The following VAV3 variants were observed in gnomAD, a reference collection of about 807,000 sequenced individuals.
The protein encoded by VAV3 is guanine nucleotide exchange factor VAV3.
A neutral mutation model predicts 131.2 loss-of-function variants in VAV3; 94 were observed. The ratio of observed to expected loss-of-function variants is 0.72; its 90% CI spans 0.61 to 0.85. The LOEUF is 0.85. Among genes scored for constraint, VAV3 ranks in the 40% least tolerant of loss-of-function variants. The pLI, the probability that VAV3 is intolerant of heterozygous loss-of-function variation, is 0.00. For synonymous variants in VAV3, 349 were observed against 342.0 expected (o/e 1.02, Z -0.22); for missense variants, 939 against 1,002.7 (o/e 0.94, Z 0.86).
intron 13 of VAV3, 77 bp downstream of exon 13, chr1:107,751,040 G>T: frequency 2.8e-6 from 4 of 1,407,968 alleles, no homozygotes; most frequent in South Asian, 1.3e-5. Context: ...CTTCACACTG[G>T]AAAAATTGTC....
intron 19 of VAV3, chr1:107,669,437 C>A (rs893368620): frequency 6.5e-5 from 84 of 1,289,312 alleles, no homozygotes; most frequent in Non-Finnish European, 8.3e-5. Context: ...GTAGCAGGGG[C>A]CATGGAAATA....
intron 25 of VAV3, among the ~76,000 whole-genome samples, chr1:107,589,186 C>T (rs1650744831): frequency 6.6e-6 from 1 of 152,226 alleles, no homozygotes; most frequent in Non-Finnish European, 1.5e-5. Context: ...TGCAGTGGGT[C>T]GAATGGTGGC....
chr1:107,773,919 C>G (rs894735974), intron 4 of VAV3, among the ~76,000 whole-genome samples: 1 of 152,122 alleles, frequency 6.6e-6, no homozygotes, highest in Non-Finnish European at 1.5e-5. Flanking sequence ...ATTTCCCTGG[C>G]ACTCCTAATC....
At chr1:107,706,445 T>C (rs1295377625) in intron 15 of VAV3, among the ~76,000 whole-genome samples, 2 of 152,170 alleles carry the variant, frequency 1.3e-5, no homozygotes. Flanking sequence ...CAAATATTAG[T>C]GCCATCTGGG....
intron 1 of VAV3, among the ~76,000 whole-genome samples, chr1:107,938,625 T>G (rs1444430038): frequency 6.6e-6 from 1 of 152,168 alleles, no homozygotes; most frequent in Non-Finnish European, 1.5e-5. Context: ...TCTCCATGTT[T>G]CCTGTTTTGG....
intron 15 of VAV3, among the ~76,000 whole-genome samples, chr1:107,715,994 A>C (rs1661070278): frequency 1.3e-5 from 2 of 152,214 alleles, no homozygotes; most frequent in Non-Finnish European, 2.9e-5. Context: ...AATATTAGGG[A>C]ACAAAAGAAA....
intron 19 of VAV3, chr1:107,669,581 T>C (rs1455148878): frequency 7.7e-6 from 9 of 1,164,028 alleles, no homozygotes; most frequent in Middle Eastern, 3.2e-4. Flanking sequence ...TAAATAAAGG[T>C]AGACTAGAGC....
chr1:107,795,069 T>A (rs1353429121), intron 2 of VAV3, among the ~76,000 whole-genome samples: 1 of 152,162 alleles, frequency 6.6e-6, no homozygotes, highest in African/African-American at 2.4e-5. Flanking sequence ...AGTCCCAAAT[T>A]CTTTCATCAG....
chr1:107,784,945 A>G (rs1665899551), intron 2 of VAV3, among the ~76,000 whole-genome samples: 1 of 152,226 alleles, frequency 6.6e-6, no homozygotes, highest in Admixed American at 6.5e-5. Context: ...GAGCCAACAA[A>G]CATACTGACA....
intron 1 of VAV3, among the ~76,000 whole-genome samples, chr1:107,882,536 T>C (rs1437078117): frequency 6.6e-6 from 1 of 152,022 alleles, no homozygotes; most frequent in Non-Finnish European, 1.5e-5. Context: ...AGATCATCCT[T>C]TTTTTTAACT....
chr1:107,639,162 CA>C (rs148064570), intron 20 of VAV3, among the ~76,000 whole-genome samples: 2 of 150,368 alleles, frequency 1.3e-5, no homozygotes, highest in Non-Finnish European at 3.0e-5. Context: ...GTACCATATA[CA>C]AAAAAAAACC....
chr1:107,685,681 G>A (rs1658965247), intron 18 of VAV3: 1 of 152,034 alleles, frequency 6.6e-6, no homozygotes, highest in South Asian at 2.1e-4. Context: ...AACTGCATTT[G>A]GAGAGGCTAA....
intron 15 of VAV3, among the ~76,000 whole-genome samples, chr1:107,714,192 C>A (rs1324857602): frequency 6.6e-6 from 1 of 152,110 alleles, no homozygotes; most frequent in East Asian, 1.9e-4. Flanking sequence ...ACAGGAATCA[C>A]TCTCCATATA....
chr1:107,689,754 C>T (rs916496122), intron 17 of VAV3, among the ~76,000 whole-genome samples: 2 of 152,110 alleles, frequency 1.3e-5, no homozygotes, highest in African/African-American at 2.4e-5. Flanking sequence ...TCTTTTCCTC[C>T]CTATTGGAAA....
intron 2 of VAV3, among the ~76,000 whole-genome samples, chr1:107,848,764 G>C (rs1669090490): frequency 1.3e-5 from 2 of 152,250 alleles, no homozygotes; most frequent in East Asian, 1.9e-4. Context: ...CATTCAAATA[G>C]GAAGAGAGGA....
chr1:107,892,187 C>A lies in VAV3; in HGVS notation c.205-17170G>T, dbSNP rs534554698. Among the ~76,000 whole-genome samples, 3 of 152,148 alleles carry A rather than the reference C, an allele frequency of 2.0e-5. No individual in the cohort carries two copies. In the South Asian group the frequency reaches 6.2e-4, roughly 32 times the overall value. On this transcript the variant is annotated intron_variant, in intron 1 of 26. Transcript: ENST00000370056. The stretch of plus-strand genomic sequence containing the variant: ...TGTCATTATTTGGCAATCATTTAAC[C>A]CATGAGAGTCTTGGTTTGTCCTTTT...
At chr1:107,710,965 CAT>C (rs1323071725) in intron 15 of VAV3, among the ~76,000 whole-genome samples, 1 of 151,954 alleles carries the variant, frequency 6.6e-6, no homozygotes, top group African/African-American at 2.4e-5. Flanking sequence ...TAATAGAAAA[CAT>C]ATCTAATATA....
intron 20 of VAV3, among the ~76,000 whole-genome samples, chr1:107,628,809 T>A (rs1027608845): frequency 5.3e-5 from 8 of 152,296 alleles, no homozygotes; most frequent in African/African-American, 1.9e-4. Flanking sequence ...TGCAATTTTA[T>A]AAACAGGTCA....
chr1:107,822,657 A>AAAAT (rs139004980), intron 2 of VAV3, among the ~76,000 whole-genome samples: 8 of 141,634 alleles, frequency 5.6e-5, no homozygotes, highest in African/African-American at 8.2e-5. Flanking sequence ...CATCTCAAAA[A>AAAAT]AAATAAATAA....
Sources: allele counts gnomAD v4.1 joint callset (sites outside exome capture counted in the v4.1 genomes callset), GRCh38; gene constraint gnomAD v4.1.1; transcripts MANE v1.5; gene names NCBI Gene and HGNC (gene_info 2026-07-23, HGNC 2026-07-21).